Variants in DAGLA observed in about 807,000 individuals in gnomAD.
DAGLA encodes diacylglycerol lipase-alpha.
In DAGLA, 22 loss-of-function variants were observed where a neutral mutation model predicts 102.6. That is an observed-to-expected ratio of 0.21 (90% CI 0.15 to 0.31). The LOEUF is 0.31. DAGLA is among the 10% of genes least tolerant of loss of function. The pLI is 1.00. For missense variants in DAGLA, 927 were observed against 1,446.6 expected, an observed-to-expected ratio of 0.64 and a Z score of 5.83; for synonymous variants, 578 against 628.9, an observed-to-expected ratio of 0.92 and a Z score of 1.21.
chr11:61,697,713 C>T (rs997836123), intron 1 of DAGLA, among the ~76,000 whole-genome samples: 1 of 151,970 alleles, frequency 6.6e-6, no homozygotes, highest in African/African-American at 2.4e-5. Flanking sequence ...CAGGGTCTTG[C>T]TCTGTCACCC....
At chr11:61,699,975 G>A (rs1004145030) in intron 1 of DAGLA, among the ~76,000 whole-genome samples, 9 of 152,342 alleles carry the variant, frequency 5.9e-5, no homozygotes, top group East Asian at 1.9e-4. Flanking sequence ...TGGGCACTCC[G>A]TTTTTCTGCA....
rs146077100 is a variant in DAGLA, at chr11:61,702,770, C to T, written c.-44-17342C>T. Among the ~76,000 whole-genome samples, 7 of 152,306 alleles carry T rather than the reference C, an allele frequency of 4.6e-5. No homozygotes were observed. The East Asian group carries it at 1.2e-3, about 25-fold the overall frequency. On this transcript the variant is annotated intron_variant, in intron 1 of 19. Transcript: ENST00000257215. Reference sequence around the variant, plus strand: ...CAGAGGTGGACGCAAGTCACACGGCCCCAGATGCATAGGGAGGTAGAGGGA... The same window carrying T: ...CAGAGGTGGACGCAAGTCACACGGCTCCAGATGCATAGGGAGGTAGAGGGA...
chr11:61,735,508 C>G, intron 10 of DAGLA, 53 bp from the exon 11 acceptor site: 6 of 1,546,554 alleles, frequency 3.9e-6, no homozygotes, highest in Non-Finnish European at 5.3e-6. Context: ...GTCACTTTCC[C>G]TGAGTGTGGC....
chr11:61,698,453 T>C (rs2065083699), intron 1 of DAGLA, among the ~76,000 whole-genome samples: 1 of 152,212 alleles, frequency 6.6e-6, no homozygotes, highest in Non-Finnish European at 1.5e-5. Flanking sequence ...CCCTGCTAAC[T>C]TTGGTTTCTG....
At position 61,730,898 on chromosome 11, in the gene DAGLA, T is replaced by G. The variant is rs372435072; in HGVS notation, c.850-419T>G. On this transcript the variant is annotated intron_variant, in intron 8 of 19. Transcript: ENST00000257215. ...CCAAGGCCCACACACGCCGCCCAGC[T>G]GGAGGGCTGGGGCCTCTCAGGGCTA... is the stretch of plus-strand genomic sequence containing the variant. Among the ~76,000 whole-genome samples, 17 of 152,348 alleles carry G rather than the reference T, an allele frequency of 1.1e-4. No homozygotes were observed. The East Asian group carries it at 3.1e-3, about 28-fold the overall frequency.
rs748491771 is a variant in DAGLA, at chr11:61,731,415, C to A, written c.948C>A (p.Gly316=). The change falls in exon 9 of 20, where the codon GGC becomes GGA. Residue 316 remains glycine, a synonymous_variant. Transcript: ENST00000257215. ...ACCTGATGCGGAAGCCCGCCTGCGG[C>A]CTCTGCCAACTGGCTCGGTCCTGCT... ...PMYLMRKPAC[G]LCQLARSCSC... 1.3e-5 allele frequency: 21 copies of A among 1,613,968 alleles called. No individual in the cohort carries two copies. The highest frequency in any genetic ancestry group is 1.8e-5 in the Non-Finnish European group (21 of 1,180,024).
At chr11:61,710,742 C>G (rs2065188084) in intron 1 of DAGLA, among the ~76,000 whole-genome samples, 1 of 152,104 alleles carries the variant, frequency 6.6e-6, no homozygotes, top group Admixed American at 6.5e-5. Context: ...GAGTTATTGC[C>G]CCTGCCATGC....
rs573166005 is a variant in DAGLA, at chr11:61,740,345, G to A, written c.1854-118G>A. 8.1e-5 allele frequency: 109 copies of A among 1,352,298 alleles called. 1 individual carries two copies. In the South Asian group the frequency reaches 1.4e-3, roughly 18 times the overall value. 83.8% of individuals were successfully genotyped at this position (1,352,298 alleles called of 1,614,324 possible). A position where few individuals can be genotyped will look rare whatever the true frequency, so the allele number is the denominator to read the frequency against. On this transcript the variant is annotated intron_variant, in intron 17 of 19. Coordinates refer to ENST00000257215, the MANE Select transcript of DAGLA (RefSeq NM_006133.3). ...GAGCCCTGCTGCCAGGCAGGCCAGG[G>A]GCCTCCAAACCATGCCAGCTCTGCT...
At chr11:61,724,243 TG>T (rs2065306690) in intron 5 of DAGLA, among the ~76,000 whole-genome samples, 1 of 152,116 alleles carries the variant, frequency 6.6e-6, no homozygotes, top group Non-Finnish European at 1.5e-5. Context: ...ATCCAGGTAG[TG>T]TCACAATAAT....
At chr11:61,735,964 G>A (rs2065419746) in intron 12 of DAGLA, 148 bp downstream of exon 12, 5 of 808,782 alleles carry the variant, frequency 6.2e-6, no homozygotes, top group South Asian at 5.2e-5. Context: ...TGGAAGGCCC[G>A]TTGCGGCCCA....
intron 18 of DAGLA, 107 bp downstream of exon 18, chr11:61,740,699 T>G: frequency 1.4e-6 from 2 of 1,458,138 alleles, no homozygotes; most frequent in Non-Finnish European, 1.9e-6. Flanking sequence ...ACAAGGGTGC[T>G]GGGGCTCAGA....
At chr11:61,717,012 C>T (rs940634647) in intron 1 of DAGLA, among the ~76,000 whole-genome samples, 19 of 152,246 alleles carry the variant, frequency 1.2e-4, no homozygotes, top group Admixed American at 7.8e-4. Flanking sequence ...GAAGGTATGC[C>T]GTGCCTGCCC....
At chr11:61,718,491 C>G (rs941523812) in intron 1 of DAGLA, among the ~76,000 whole-genome samples, 1 of 152,084 alleles carries the variant, frequency 6.6e-6, no homozygotes, top group Non-Finnish European at 1.5e-5. Flanking sequence ...GTGCCCCAGC[C>G]CCCCCTCCTG....
At chr11:61,735,903 C>A in intron 12 of DAGLA, 87 bp downstream of exon 12, 1 of 1,290,340 alleles carries the variant, frequency 7.7e-7, no homozygotes, top group Non-Finnish European at 1.1e-6. Context: ...GGGTTCCTCC[C>A]TGCTCGCTGG....
chr11:61,694,835 C>T (rs943371324), intron 1 of DAGLA, among the ~76,000 whole-genome samples: 5 of 151,982 alleles, frequency 3.3e-5, no homozygotes, highest in African/African-American at 7.2e-5. Flanking sequence ...CTGGATCGCT[C>T]GCATTACCCA....
At chr11:61,716,208 TTG>T (rs2065234778) in intron 1 of DAGLA, among the ~76,000 whole-genome samples, 1 of 151,856 alleles carries the variant, frequency 6.6e-6, no homozygotes, top group South Asian at 2.1e-4. Context: ...CCGGGGACTG[TTG>T]AGCTGGGGTG....
chr11:61,712,623 T>C (rs1270648026), intron 1 of DAGLA, among the ~76,000 whole-genome samples: 2 of 152,264 alleles, frequency 1.3e-5, no homozygotes, highest in South Asian at 2.1e-4. Flanking sequence ...AGCGACAGCT[T>C]TCAGGCCCCT....
intron 4 of DAGLA, 66 bp from the exon 5 acceptor site, chr11:61,723,368 C>T: frequency 5.7e-6 from 9 of 1,578,254 alleles, no homozygotes; most frequent in Non-Finnish European, 7.8e-6. Flanking sequence ...TCCCTTTCTT[C>T]AGAGCGGGTG....
At chr11:61,697,477 C>A (rs553052179) in intron 1 of DAGLA, among the ~76,000 whole-genome samples, 41 of 152,192 alleles carry the variant, frequency 2.7e-4, no homozygotes, top group African/African-American at 9.6e-4. Flanking sequence ...AGCAGCCATT[C>A]CTGCGCAGGA....
Sources: gnomAD v4.1 joint callset for allele counts (sites outside exome capture counted in the v4.1 genomes callset) on GRCh38, gnomAD v4.1.1 for gene constraint, MANE v1.5 for transcripts, NCBI Gene and HGNC (gene_info 2026-07-23, HGNC 2026-07-21) for gene names.